TUBGCP3: variants seen among roughly 807,000 people sequenced by gnomAD.
The protein encoded by TUBGCP3 is gamma-tubulin complex component 3.
In TUBGCP3, 50 loss-of-function variants were observed where a neutral mutation model predicts 123.1. The observed-to-expected ratio is 0.41, with a 90% CI of 0.32 to 0.51. The LOEUF (loss-of-function observed/expected upper bound fraction) is 0.51. Ranked by LOEUF, TUBGCP3 falls within the 20% of genes least tolerant of loss-of-function variation. TUBGCP3 has a pLI of 0.36. For synonymous variants in TUBGCP3, 405 were observed against 413.9 expected (o/e 0.98, Z 0.26); for missense variants, 882 against 1,127.0 (o/e 0.78, Z 3.11).
chr13:112,497,070 C>T (rs1457048767), intron 20 of TUBGCP3, among the ~76,000 whole-genome samples: 2 of 151,934 alleles, frequency 1.3e-5, no homozygotes, highest in African/African-American at 2.4e-5. Context: ...TCTTGGGGCA[C>T]GTGGGCAGTT....
Position 112,548,196 on chromosome 13 carries a change from A to G in TUBGCP3, c.967-20T>C. The G allele has an allele frequency of 2.5e-6, 4 of 1,586,746 alleles. No homozygotes were observed. In the South Asian group the frequency reaches 4.6e-5, roughly 18 times the overall value. The stretch of plus-strand genomic sequence containing the variant: ...AAAGCTCTGTTTGGAGGAGAAATAT[A>G]ATTAAAGCACGACACACTCATTACA... On this transcript the variant is annotated intron_variant, in intron 8 of 21. Coordinates refer to ENST00000261965, the MANE Select transcript of TUBGCP3 (RefSeq NM_006322.6).
In TUBGCP3 at chr13:112,569,182, A is replaced by G. The variant is rs1402347707; in HGVS notation, c.154T>C (p.Phe52Leu). 1.9e-6 allele frequency: 3 copies of G among 1,614,198 alleles called. No homozygotes were observed. In the South Asian group the frequency reaches 3.3e-5, roughly 18 times the overall value. The part of the protein sequence containing the change: ...NFAPTVERDE[F>L]LVAEKIKKEL... ...TTCTTGATTTTTTCAGCTACTAAAA[A>G]TTCATCTCTTTCAACAGTTGGGGCG... Residue 52 changes from phenylalanine (F) to leucine (L), a missense_variant, in exon 2 of 22, where the codon TTT becomes CTT. Physicochemically the swap from Phe to Leu is conservative, Grantham distance 22 (BLOSUM62 0). This residue lies in a region of TUBGCP3 where 713 missense variants were observed against 874.0 expected (regional missense o/e 0.82). Coordinates refer to ENST00000261965, the MANE Select transcript of TUBGCP3 (RefSeq NM_006322.6).
At chr13:112,493,328 C>T (rs1249063785) in intron 20 of TUBGCP3, among the ~76,000 whole-genome samples, 1 of 150,336 alleles carries the variant, frequency 6.7e-6, no homozygotes. Flanking sequence ...GGAACATGGC[C>T]TGGTATGCCT....
Position 112,587,988 on chromosome 13 carries a change from C to T in TUBGCP3, c.-8G>A, listed in dbSNP as rs1594243952. ...CTGGTCCGGGGTCGCCATCCTCGCC[C>T]GGAGCCGTGCACGGTGGTCCGGGCA... On this transcript the variant is annotated 5_prime_UTR_variant, in exon 1 of 22. Transcript: ENST00000261965. 2 of 1,566,928 alleles carry T rather than the reference C, an allele frequency of 1.3e-6. No homozygotes were observed. The highest frequency in any genetic ancestry group is 1.7e-6 in the Non-Finnish European group (2 of 1,159,434).
At chr13:112,569,778 A>G (rs570944034) in intron 1 of TUBGCP3, among the ~76,000 whole-genome samples, 1 of 152,358 alleles carries the variant, frequency 6.6e-6, no homozygotes, top group Admixed American at 6.5e-5. Context: ...AACTAAAAGC[A>G]TAAACCAACA....
chr13:112,555,900 G>C (rs1053517334), intron 6 of TUBGCP3, 152 bp downstream of exon 6: 4 of 839,764 alleles, frequency 4.8e-6, no homozygotes, highest in African/African-American at 1.7e-5. Flanking sequence ...CCAAGGCGCC[G>C]CAGACCACCA....
chr13:112,540,293 AGGTGGTCTTGGG>A (rs1195711327), intron 11 of TUBGCP3, among the ~76,000 whole-genome samples: 1 of 144,758 alleles, frequency 6.9e-6, no homozygotes, highest in Non-Finnish European at 1.5e-5. Context: ...ATGAGCATTC[AGGTGGTCTTGGG>A]AAAGGACACC....
At chr13:112,563,542 T>C (rs1174002532) in intron 3 of TUBGCP3, among the ~76,000 whole-genome samples, 3 of 151,850 alleles carry the variant, frequency 2.0e-5, no homozygotes, top group Non-Finnish European at 4.4e-5. Flanking sequence ...AAACAAAATT[T>C]TGGAAAACAA....
the TUBGCP3 span, among the ~76,000 whole-genome samples, chr13:112,595,387 C>CG: frequency 1.8e-4 from 28 of 152,066 alleles, 2 homozygotes; most frequent in Admixed American, 1.2e-3. Flanking sequence ...TTAGTAGAGA[C>CG]GGGGTTTCAC....
chr13:112,530,240 T>C (rs1427285887), intron 11 of TUBGCP3, among the ~76,000 whole-genome samples: 1 of 152,240 alleles, frequency 6.6e-6, no homozygotes, highest in Non-Finnish European at 1.5e-5. Flanking sequence ...CTTGCATTAC[T>C]GGAATAAAAT....
intron 17 of TUBGCP3, among the ~76,000 whole-genome samples, chr13:112,506,333 C>A (rs1281475926): frequency 6.6e-6 from 1 of 152,224 alleles, no homozygotes; most frequent in East Asian, 1.9e-4. Context: ...GGCTCAAGCG[C>A]CTCCCCTGCC....
At chr13:112,533,268 C>T (rs1249892596) in intron 11 of TUBGCP3, among the ~76,000 whole-genome samples, 1 of 152,248 alleles carries the variant, frequency 6.6e-6, no homozygotes, top group African/African-American at 2.4e-5. Flanking sequence ...ATTCAGCAGG[C>T]ATCCACCGAC....
Position 112,547,605 on chromosome 13 carries a change from A to T in TUBGCP3, c.1168+15T>A, listed in dbSNP as rs936745581. The T allele has an allele frequency of 6.7e-7, 1 of 1,484,650 alleles. No individual in the cohort carries two copies. Among genetic ancestry groups the T allele is most frequent in the Non-Finnish European group, 9.0e-7 (1 of 1,109,506 alleles). 92.0% of individuals were successfully genotyped at this position (1,484,650 alleles called of 1,614,324 possible). ...CGCGTGGGAAAGACGTGCGTGGGAAAGACGCGCGTGGGACCTTGGCAGTGG... is the reference window on the plus strand; with the variant it reads ...CGCGTGGGAAAGACGTGCGTGGGAATGACGCGCGTGGGACCTTGGCAGTGG... On this transcript the variant is annotated intron_variant, in intron 10 of 21. Transcript: ENST00000261965.
chr13:112,524,671 G>A lies in TUBGCP3; in HGVS notation c.1556-2162C>T, dbSNP rs1296519346. Among the ~76,000 whole-genome samples, 1 of 152,126 alleles carries A rather than the reference G, an allele frequency of 6.6e-6. No individual in the cohort carries two copies. Among genetic ancestry groups the A allele is most frequent in the African/African-American group, 2.4e-5 (1 of 41,418 alleles). On this transcript the variant is annotated intron_variant, in intron 13 of 21. Transcript: ENST00000261965. The surrounding 1 kb of genome is among the most constrained non-coding windows in gnomAD (Gnocchi z 4.4). ...TAAAATTATGTCTGAATGCTTTAGG[G>A]TGAGAGGGCCCATGGCTCTCACATG...
At chr13:112,562,656 G>A (rs5029620) in intron 3 of TUBGCP3, among the ~76,000 whole-genome samples, 23,898 of 152,052 alleles carry the variant, frequency 0.16, 2,114 homozygotes, top group Non-Finnish European at 0.21. Flanking sequence ...TCTGGCAGAG[G>A]AAACCAGATC....
At chr13:112,594,199 C>A in the TUBGCP3 span, among the ~76,000 whole-genome samples, 4 of 152,204 alleles carry the variant, frequency 2.6e-5, no homozygotes, top group African/African-American at 9.6e-5. Context: ...CAAAGCCAGG[C>A]AAACACATCA....
chr13:112,548,724 C>A (rs1017048606), intron 8 of TUBGCP3, among the ~76,000 whole-genome samples: 4 of 152,166 alleles, frequency 2.6e-5, no homozygotes, highest in South Asian at 2.1e-4. Context: ...AGCCAACAGA[C>A]ACATGAAAAA....
chr13:112,489,325 C>T (rs1300571370), intron 21 of TUBGCP3, among the ~76,000 whole-genome samples: 1 of 152,244 alleles, frequency 6.6e-6, no homozygotes, highest in Non-Finnish European at 1.5e-5. Context: ...GGGGCCACCC[C>T]CGGGTGCCCG....
At chr13:112,561,706 T>G (rs1880526063) in intron 3 of TUBGCP3, among the ~76,000 whole-genome samples, 2 of 152,154 alleles carry the variant, frequency 1.3e-5, no homozygotes. Context: ...TAAGTCCCTG[T>G]GGGAGTTTCC....
Sources: gnomAD v4.1 joint callset for allele counts (sites outside exome capture counted in the v4.1 genomes callset) on GRCh38, gnomAD v4.1.1 for gene constraint, gnomAD v4.1.1 regional missense constraint, Gnocchi (gnomAD v3.1) non-coding constraint, MANE v1.5 for transcripts, NCBI Gene and HGNC (gene_info 2026-07-23, HGNC 2026-07-21) for gene names.